The following NTM variants were observed in gnomAD, a reference collection of about 807,000 sequenced individuals.
NTM encodes neurotrimin, also known as IgLON family member 2.
NTM carries 13 observed loss-of-function variants against 42.1 expected under a neutral mutation model. The ratio of observed to expected loss-of-function variants is 0.31; its 90% confidence interval spans 0.20 to 0.49. The LOEUF (loss-of-function observed/expected upper bound fraction) is 0.49. NTM is among the 20% of genes least tolerant of loss of function. The pLI, the probability that NTM is intolerant of heterozygous loss-of-function variation, is 0.99. For synonymous variants in NTM, 187 were observed against 179.2 expected, an observed-to-expected ratio of 1.04 and a Z score of -0.35; for missense variants, 373 against 452.8, an observed-to-expected ratio of 0.82 and a Z score of 1.60.
At chr11:131,392,405 G>GC in intron 1 of NTM, among the ~76,000 whole-genome samples, 1 of 151,686 alleles carries the variant, frequency 6.6e-6, no homozygotes, top group Non-Finnish European at 1.5e-5. Context: ...CAACCATAGA[G>GC]CCCCTGAAGG....
intron 1 of NTM, among the ~76,000 whole-genome samples, chr11:131,375,961 T>C (rs929378312): frequency 2.0e-5 from 3 of 152,196 alleles, no homozygotes; most frequent in African/African-American, 7.2e-5. Flanking sequence ...TACTTCTCTG[T>C]TCTTCACCTT....
chr11:131,598,781 T>TTTTCTTCCTTC (rs1491365698), intron 1 of NTM, among the ~76,000 whole-genome samples: 1 of 76,922 alleles, frequency 1.3e-5, no homozygotes, highest in Admixed American at 1.4e-4. Flanking sequence ...TTTCTTTCTT[T>TTTTCTTCCTTC]CTTCTTTCTT....
At chr11:132,155,259 G>A (rs1014912379) in intron 3 of NTM, among the ~76,000 whole-genome samples, 5 of 152,138 alleles carry the variant, frequency 3.3e-5, no homozygotes, top group African/African-American at 1.2e-4. Flanking sequence ...TTCCCAATTA[G>A]ATACCTTTTA....
At chr11:132,127,867 C>T (rs1822048497) in intron 2 of NTM, among the ~76,000 whole-genome samples, 1 of 152,192 alleles carries the variant, frequency 6.6e-6, no homozygotes, top group African/African-American at 2.4e-5. Flanking sequence ...TAGTGTCTAA[C>T]GTTATAGCCT....
intron 1 of NTM, among the ~76,000 whole-genome samples, chr11:131,543,557 C>G (rs2053553778): frequency 1.3e-5 from 2 of 152,198 alleles, no homozygotes; most frequent in South Asian, 4.1e-4. Context: ...GGAAAGCTGT[C>G]TGGTGATCAA....
intron 1 of NTM, among the ~76,000 whole-genome samples, chr11:131,790,542 A>G (rs1197178137): frequency 2.6e-5 from 4 of 152,178 alleles, no homozygotes. Context: ...GATGCATCCC[A>G]TGTATTCAGC....
intron 1 of NTM, among the ~76,000 whole-genome samples, chr11:131,799,917 G>A (rs1355398052): frequency 6.6e-6 from 1 of 152,086 alleles, no homozygotes; most frequent in African/African-American, 2.4e-5. Flanking sequence ...CCATATATAA[G>A]AACTTACCTA....
intron 1 of NTM, among the ~76,000 whole-genome samples, chr11:131,414,050 C>T (rs1258634117): frequency 3.3e-5 from 5 of 152,206 alleles, no homozygotes; most frequent in Admixed American, 6.5e-5. Flanking sequence ...CTCAATTCAT[C>T]GGCCTTACCT....
chr11:131,520,588 G>T (rs1049603839), intron 1 of NTM, among the ~76,000 whole-genome samples: 6 of 152,128 alleles, frequency 3.9e-5, no homozygotes, highest in Non-Finnish European at 5.9e-5. Flanking sequence ...AACTTGGGGA[G>T]CAGGAAGAGC....
chr11:131,787,533 G>A (rs547050723), intron 1 of NTM, among the ~76,000 whole-genome samples: 1 of 151,806 alleles, frequency 6.6e-6, no homozygotes, highest in South Asian at 2.1e-4. Flanking sequence ...CTACAGGCAC[G>A]CAGCACCATG....
chr11:131,751,279 A>T (rs978169923), intron 1 of NTM, among the ~76,000 whole-genome samples: 1 of 151,692 alleles, frequency 6.6e-6, no homozygotes, highest in Non-Finnish European at 1.5e-5. Context: ...ACTAAAATAA[A>T]AAATAAATAA....
chr11:132,268,959 G>A (rs887846920), intron 4 of NTM, among the ~76,000 whole-genome samples: 1 of 151,860 alleles, frequency 6.6e-6, no homozygotes, highest in Non-Finnish European at 1.5e-5. Context: ...CTCAGACTTG[G>A]GCATAATCGA....
chr11:131,830,450 C>T (rs1369009874), intron 1 of NTM, among the ~76,000 whole-genome samples: 4 of 152,072 alleles, frequency 2.6e-5, no homozygotes, highest in Non-Finnish European at 2.9e-5. Flanking sequence ...TTGTTTTTGT[C>T]GACTTTGTCA....
At chr11:132,076,308 C>A (rs1422783652) in intron 2 of NTM, among the ~76,000 whole-genome samples, 1 of 152,182 alleles carries the variant, frequency 6.6e-6, no homozygotes, top group Admixed American at 6.5e-5. Context: ...ATAAGCATGG[C>A]ATCCCAATAA....
intron 4 of NTM, among the ~76,000 whole-genome samples, chr11:132,248,401 T>G (rs1443589615): frequency 1.4e-5 from 2 of 147,282 alleles, no homozygotes; most frequent in East Asian, 5.1e-4. Context: ...TGAGGTTTTT[T>G]TTTTCTCTTT....
intron 1 of NTM, among the ~76,000 whole-genome samples, chr11:131,397,040 T>C (rs1944639649): frequency 6.6e-6 from 1 of 152,146 alleles, no homozygotes; most frequent in African/African-American, 2.4e-5. Context: ...CACTCAGGAA[T>C]AACTGGGAAA....
At chr11:131,615,301 C>T (rs535831048) in intron 1 of NTM, among the ~76,000 whole-genome samples, 16 of 152,132 alleles carry the variant, frequency 1.1e-4, no homozygotes, top group African/African-American at 2.9e-4. Flanking sequence ...GGTTGGCAGG[C>T]GAAGTGAAGG....
intron 1 of NTM, among the ~76,000 whole-genome samples, chr11:131,725,676 G>C (rs140848343): frequency 1.3e-5 from 2 of 152,266 alleles, no homozygotes; most frequent in African/African-American, 2.4e-5. Flanking sequence ...AGGAAAACGG[G>C]GAAGCAATGC....
intron 1 of NTM, among the ~76,000 whole-genome samples, chr11:131,685,213 T>G (rs563597742): frequency 3.1e-4 from 47 of 152,286 alleles, no homozygotes; most frequent in African/African-American, 1.1e-3. Context: ...AACAATCAGC[T>G]TGGGGGGCAG....
Sources: gnomAD v4.1 joint callset for allele counts (sites outside exome capture counted in the v4.1 genomes callset) on GRCh38, gnomAD v4.1.1 for gene constraint, MANE v1.5 for transcripts, NCBI Gene and HGNC (gene_info 2026-07-23, HGNC 2026-07-21) for gene names.